Variants in BTNL2 observed in about 807,000 individuals in gnomAD.
BTNL2 encodes butyrophilin-like protein 2.
In BTNL2, 46 loss-of-function variants were observed where a neutral mutation model predicts 46.8. The ratio of observed to expected loss-of-function variants is 0.98; its 90% confidence interval spans 0.78 to 1.26. The LOEUF is 1.26. BTNL2 is among the 50% of genes most tolerant of loss of function. BTNL2 has a pLI of 0.00. For missense variants in BTNL2, 461 were observed against 592.6 expected, an observed-to-expected ratio of 0.78 and a Z score of 2.31; for synonymous variants, 226 against 229.1, an observed-to-expected ratio of 0.99 and a Z score of 0.12.
chr6:32,398,124 A>C (rs1776554943), intron 4 of BTNL2, among the ~76,000 whole-genome samples: 1 of 151,648 alleles, frequency 6.6e-6, no homozygotes, highest in African/African-American at 2.4e-5. Context: ...GCTATATTAC[A>C]TTTTCCATTC....
Position 32,396,509 on chromosome 6 carries a change from G to A in BTNL2, c.731-123C>T, listed in dbSNP as rs2076526. On this transcript the variant is annotated intron_variant, in intron 4 of 7. Transcript: ENST00000454136. This position sits in a 1 kb window ranked among gnomAD's most constrained non-coding sequence, Gnocchi z 4.4. ...CATCCCAGGGTTGCTGTGAGGCTCAGGGTCATCCTTAGGTGAGGTGGGGGT... is the reference window on the plus strand; with the variant it reads ...CATCCCAGGGTTGCTGTGAGGCTCAAGGTCATCCTTAGGTGAGGTGGGGGT... The A allele has an allele frequency of 0.019, 18,410 of 960,556 alleles. 988 individuals carry two copies. The highest frequency in any genetic ancestry group is 0.16 in the East Asian group (6,301 of 38,220). 59.5% of individuals were successfully genotyped at this position (960,556 alleles called of 1,614,324 possible).
At chr6:32,404,125 T>C (rs1166999015) in intron 2 of BTNL2, among the ~76,000 whole-genome samples, 1 of 152,150 alleles carries the variant, frequency 6.6e-6, no homozygotes, top group Non-Finnish European at 1.5e-5. Flanking sequence ...AAAAAGGTAT[T>C]AGGAAACAGC....
In BTNL2 at chr6:32,394,872, T is replaced by C; in HGVS notation, c.1232A>G (p.Gln411Arg). 1 of 1,614,202 alleles carries C rather than the reference T, an allele frequency of 6.2e-7. No individual in the cohort carries two copies. The highest frequency in any genetic ancestry group is 8.5e-7 in the Non-Finnish European group (1 of 1,180,024). ...TIPSSSQALT[Q>R]GSHGLFHVQT... is the part of the protein sequence containing the mutation. ...CACGTGGAACAGCCCGTGGCTGCCT[T>C]GAGTCAGGGCCTGGGAAGATGATGG... Residue 411 changes from glutamine to arginine, a missense_variant, in exon 6 of 8, where the codon CAA becomes CGA. Gln to Arg is a conservative substitution (Grantham distance 43). Coordinates refer to ENST00000454136, the MANE Select transcript of BTNL2 (RefSeq NM_001304561.2). The surrounding 1 kb of genome is among the most constrained non-coding windows in gnomAD (Gnocchi z 4.6).
intron 4 of BTNL2, among the ~76,000 whole-genome samples, chr6:32,401,207 C>CAAAAAAAAAAAAAAAAAAAAAAA (rs9279632): frequency 5.1e-5 from 2 of 38,918 alleles, no homozygotes; most frequent in African/African-American, 1.5e-4. Flanking sequence ...GACTCCGTCT[C>CAAAAAAAAAAAAAAAAAAAAAAA]AAAAAAAAAA....
chr6:32,395,050 C>G, intron 5 of BTNL2, 25 bp from the exon 6 acceptor site: 3 of 1,535,440 alleles, frequency 2.0e-6, no homozygotes, highest in Non-Finnish European at 2.6e-6. Context: ...GCAACCAAAG[C>G]CTGGGGTCCT....
In BTNL2 at chr6:32,405,113, C is replaced by G. The variant is rs763457065; in HGVS notation, c.253G>C (p.Glu85Gln). The change falls in exon 2 of 8, where the codon GAG (glutamate) becomes CAG (glutamine). Residue 85 changes from glutamate to glutamine, a missense_variant. Physicochemically the swap from Glu to Gln is conservative, Grantham distance 29. Coordinates refer to ENST00000454136, the MANE Select transcript of BTNL2 (RefSeq NM_001304561.2). ...CCTCTGTACTCCTCCATCTGCATCT[C>G]AGTCACCTCCACTCCATCCCTGTGC... ...FVHRDGVEVT[E>Q]MQMEEYRGWV... The G allele has an allele frequency of 6.2e-7, 1 of 1,613,088 alleles. No individual in the cohort carries two copies. Among genetic ancestry groups the G allele is most frequent in the Non-Finnish European group, 8.5e-7 (1 of 1,180,040 alleles).
rs1307731952 is a variant in BTNL2, at chr6:32,396,077, T to A, written c.1040A>T (p.Asp347Val). The part of the protein sequence containing the change: ...GQYRCLFEKD[D>V]VYQEASLDLK... The stretch of plus-strand genomic sequence containing the variant: ...ATCCAAACTGGCCTCCTGGTAGACA[T>A]CATCTTTTTCAAAAAGGCAGCGGTA... The change falls in exon 5 of 8, where the codon GAT becomes GTT. Residue 347 changes from aspartate to valine, a missense_variant. Transcript: ENST00000454136. This position sits in a 1 kb window ranked among gnomAD's most constrained non-coding sequence, Gnocchi z 4.4. 1.2e-6 allele frequency: 2 copies of A among 1,613,054 alleles called. No individual in the cohort carries two copies. Among genetic ancestry groups the A allele is most frequent in the Non-Finnish European group, 1.7e-6 (2 of 1,180,012 alleles).
chr6:32,401,663 G>GAC (rs1244347444), intron 4 of BTNL2, 122 bp downstream of exon 4: 2 of 848,002 alleles, frequency 2.4e-6, no homozygotes, highest in Non-Finnish European at 3.7e-6. Flanking sequence ...ATGAACATAG[G>GAC]ACCTGGTAAA....
chr6:32,400,377 G>T lies in BTNL2; in HGVS notation c.730+1408C>A, dbSNP rs115114949. Among the ~76,000 whole-genome samples the T allele has an allele frequency of 2.0e-3, 299 of 152,258 alleles. 1 individual carries two copies. The highest frequency in any genetic ancestry group is 6.9e-3 in the African/African-American group (288 of 41,536). ...ATGGATACACATTCCTGGAGCAGGT[G>T]ACTTGATGGAGAGCAAGGAATTGAT... On this transcript the variant is annotated intron_variant, in intron 4 of 7. Coordinates refer to ENST00000454136, the MANE Select transcript of BTNL2 (RefSeq NM_001304561.2).
intron 5 of BTNL2, 117 bp downstream of exon 5, chr6:32,395,922 T>C: frequency 1.3e-6 from 1 of 797,700 alleles, no homozygotes; most frequent in Non-Finnish European, 2.0e-6. Context: ...TTGATATAAA[T>C]TTGATGATGA....
chr6:32,398,327 G>A (rs1296980508), intron 4 of BTNL2, among the ~76,000 whole-genome samples: 2 of 152,188 alleles, frequency 1.3e-5, no homozygotes, highest in Non-Finnish European at 2.9e-5. Flanking sequence ...GCCGAAAACT[G>A]CCAGCTACCT....
chr6:32,394,204 GAGATGC>G lies in BTNL2; in HGVS notation c.1361-153_1361-148del. 1 of 1,165,188 alleles carries G rather than the reference GAGATGC, an allele frequency of 8.6e-7. No homozygotes were observed. Among genetic ancestry groups the G allele is most frequent in the Non-Finnish European group, 1.2e-6 (1 of 843,900 alleles). The allele number at this position is 1,165,188 out of a possible 1,614,324, so 72.2% of individuals were successfully genotyped here. A position where few individuals can be genotyped will look rare whatever the true frequency, so the allele number is the denominator to read the frequency against. ...AGTTGGCCTGCTCCTCCCTGCTCTG[GAGATGC>G]AGAGGAGAGAATGCAAGTATTTCAT... On this transcript the variant is annotated intron_variant, in intron 6 of 7. Coordinates refer to ENST00000454136, the MANE Select transcript of BTNL2 (RefSeq NM_001304561.2). The surrounding 1 kb of genome is among the most constrained non-coding windows in gnomAD (Gnocchi z 4.6).
chr6:32,401,776 C>G lies in BTNL2; in HGVS notation c.730+9G>C, dbSNP rs750606254. ...CCTCCACAGGTGTGTGCCAGCACCTCGTACTTACCCAGCTCAGTCTGGAGT... is the reference window on the plus strand; with the variant it reads ...CCTCCACAGGTGTGTGCCAGCACCTGGTACTTACCCAGCTCAGTCTGGAGT... On this transcript the variant is annotated intron_variant, in intron 4 of 7. Coordinates refer to ENST00000454136, the MANE Select transcript of BTNL2 (RefSeq NM_001304561.2). 9.9e-6 allele frequency: 16 copies of G among 1,611,546 alleles called. No individual in the cohort carries two copies. The East Asian group carries it at 3.6e-4, about 36-fold the overall frequency.
In BTNL2 at chr6:32,403,353, T is replaced by C. The variant is rs150903563; in HGVS notation, c.428-137A>G. On this transcript the variant is annotated intron_variant, in intron 2 of 7. Transcript: ENST00000454136. ...GAGGAGCAGAAAGTCGACCTCAGTC[T>C]CCCCATTCAAATGTGAGTTCAGATA... The C allele has an allele frequency of 1.3e-3, 1,174 of 904,088 alleles. 10 individuals are homozygous for C. In the African/African-American group the frequency reaches 0.017, roughly 13 times the overall value. The allele number at this position is 904,088 out of a possible 1,614,324, so 56.0% of individuals were successfully genotyped here. A position where few individuals can be genotyped will look rare whatever the true frequency, so the allele number is the denominator to read the frequency against.
In BTNL2 at chr6:32,396,356, G is replaced by A. The variant is rs144609103; in HGVS notation, c.761C>T (p.Pro254Leu). 1.9e-6 allele frequency: 3 copies of A among 1,612,624 alleles called. No homozygotes were observed. The highest frequency in any genetic ancestry group is 2.7e-5 in the African/African-American group (2 of 74,918). ...ATCTTCTCCCACTCTGACGAGGATGGGCTGGGAAGGTCCATTCACTTTTAA... is the reference window on the plus strand; with the variant it reads ...ATCTTCTCCCACTCTGACGAGGATGAGCTGGGAAGGTCCATTCACTTTTAA... ...ASLKVNGPSQ[P>L]ILVRVGEDIQ... The change falls in exon 5 of 8, where the codon CCC (proline) becomes CTC (leucine). Residue 254 changes from proline (P) to leucine (L), a missense_variant. Pro to Leu is a moderately conservative substitution (Grantham distance 98, BLOSUM62 -3). Transcript: ENST00000454136. This position sits in a 1 kb window ranked among gnomAD's most constrained non-coding sequence, Gnocchi z 4.4.
rs145412394 is a variant in BTNL2, at chr6:32,395,344, C to G, written c.1079-319G>C. ...GGGTCACATGGACAGGATTAACATA[C>G]GGAGTAGGAGGATATTCTCAAAAAT... On this transcript the variant is annotated intron_variant, in intron 5 of 7. Transcript: ENST00000454136. Among the ~76,000 whole-genome samples, 808 of 152,246 alleles carry G rather than the reference C, an allele frequency of 5.3e-3. 9 individuals are homozygous for G. The highest frequency in any genetic ancestry group is 0.018 in the African/African-American group (763 of 41,534).
At chr6:32,395,938 C>T in intron 5 of BTNL2, 101 bp downstream of exon 5, 1 of 929,838 alleles carries the variant, frequency 1.1e-6, no homozygotes, top group Non-Finnish European at 1.6e-6. Flanking sequence ...GATGAATAAG[C>T]ATTAAGAAAA....
In BTNL2 at chr6:32,401,740, G is replaced by A. The variant is rs117084565; in HGVS notation, c.730+45C>T. On this transcript the variant is annotated intron_variant, in intron 4 of 7. Coordinates refer to ENST00000454136, the MANE Select transcript of BTNL2 (RefSeq NM_001304561.2). The stretch of plus-strand genomic sequence containing the variant: ...TAGCTCCCCTCCCTCTGCTGGGGAG[G>A]GCAGAGGCTCCCTCCACAGGTGTGT... The A allele has an allele frequency of 0.013, 20,950 of 1,574,658 alleles. 911 individuals carry two copies. In the East Asian group the frequency reaches 0.15, roughly 11 times the overall value.
In BTNL2 at chr6:32,399,819, A is replaced by G. The variant is rs1457665280; in HGVS notation, c.730+1966T>C. Among the ~76,000 whole-genome samples, 2 of 152,220 alleles carry G rather than the reference A, an allele frequency of 1.3e-5. No homozygotes were observed. The highest frequency in any genetic ancestry group is 2.9e-5 in the Non-Finnish European group (2 of 68,038). ...AATGAAAAACATTATTTGTAAGACTACAAGCAGTGATTTCAGTCTTAGGAC... is the reference window on the plus strand; with the variant it reads ...AATGAAAAACATTATTTGTAAGACTGCAAGCAGTGATTTCAGTCTTAGGAC... On this transcript the variant is annotated intron_variant, in intron 4 of 7. Coordinates refer to ENST00000454136, the MANE Select transcript of BTNL2 (RefSeq NM_001304561.2). The surrounding 1 kb of genome is among the most constrained non-coding windows in gnomAD (Gnocchi z 5.2).
Sources: allele counts gnomAD v4.1 joint callset (sites outside exome capture counted in the v4.1 genomes callset), GRCh38; gene constraint gnomAD v4.1.1; non-coding constraint Gnocchi (gnomAD v3.1); transcripts MANE v1.5; gene names NCBI Gene and HGNC (gene_info 2026-07-23, HGNC 2026-07-21).